IGSF10: variants seen among roughly 807,000 people sequenced by gnomAD.
The protein encoded by IGSF10 is calvaria mechanical force protein 608.
A neutral mutation model predicts 128.2 loss-of-function variants in IGSF10; 126 were observed. The observed-to-expected ratio is 0.98, with a 90% CI of 0.85 to 1.14. The LOEUF is 1.14. IGSF10 is among the 50% of genes most tolerant of loss of function. The pLI is 0.00. For synonymous variants in IGSF10, 1,185 were observed against 1,146.2 expected, an observed-to-expected ratio of 1.03 and a Z score of -0.68; for missense variants, 3,295 against 3,149.8, an observed-to-expected ratio of 1.05 and a Z score of -1.10.
chr3:151,435,010 T>G, downstream of IGSF10: 1 of 151,990 alleles, frequency 6.6e-6, no homozygotes, highest in African/African-American at 2.4e-5. Flanking sequence ...ATAACTAGAA[T>G]TACTTTAGTC....
chr3:151,539,243 T>G, the IGSF10 span, among the ~76,000 whole-genome samples: 1 of 152,312 alleles, frequency 6.6e-6, no homozygotes, highest in South Asian at 2.1e-4. Flanking sequence ...AACGCTCTGC[T>G]TCCCACGTGG....
At chr3:151,510,025 C>T in the IGSF10 span, among the ~76,000 whole-genome samples, 2 of 152,216 alleles carry the variant, frequency 1.3e-5, no homozygotes, top group African/African-American at 2.4e-5. Flanking sequence ...GGCCTGCCTG[C>T]CTCTGTAGGC....
chr3:151,460,656 G>A (rs1193857135), intron 1 of IGSF10, among the ~76,000 whole-genome samples: 1 of 151,798 alleles, frequency 6.6e-6, no homozygotes, highest in East Asian at 1.9e-4. Flanking sequence ...AGTCCCAAGA[G>A]CTTCTCCTCA....
At chr3:151,532,472 A>G in the IGSF10 span, among the ~76,000 whole-genome samples, 7 of 152,216 alleles carry the variant, frequency 4.6e-5, no homozygotes, top group Non-Finnish European at 1.0e-4. Flanking sequence ...CAAAAAGCTT[A>G]TCCACCAAGA....
At chr3:151,443,959 G>T in intron 6 of IGSF10, 75 bp from the exon 7 acceptor site, 9 of 1,184,148 alleles carry the variant, frequency 7.6e-6, no homozygotes, top group South Asian at 1.6e-5. Context: ...ATCGTTTTTT[G>T]GGCTACTAAG....
the IGSF10 span, among the ~76,000 whole-genome samples, chr3:151,491,763 A>G: frequency 5.3e-5 from 8 of 152,138 alleles, no homozygotes. Flanking sequence ...GCTTCCAAAA[A>G]TAGAGCCAGA....
the IGSF10 span, among the ~76,000 whole-genome samples, chr3:151,575,367 C>T: frequency 3.9e-5 from 6 of 152,296 alleles, no homozygotes; most frequent in East Asian, 1.9e-4. Flanking sequence ...CATTGAGCTG[C>T]GGTGGGCTCC....
chr3:151,478,618 C>G, the IGSF10 span, among the ~76,000 whole-genome samples: 1 of 152,224 alleles, frequency 6.6e-6, no homozygotes, highest in South Asian at 2.1e-4. Flanking sequence ...AAGTAAATGC[C>G]CTTTTCTTTT....
At chr3:151,496,929 GTGA>G in the IGSF10 span, among the ~76,000 whole-genome samples, 1 of 152,148 alleles carries the variant, frequency 6.6e-6, no homozygotes, top group African/African-American at 2.4e-5. Context: ...CTGATGGCCA[GTGA>G]TGATGAGCAT....
the IGSF10 span, among the ~76,000 whole-genome samples, chr3:151,546,104 C>T: frequency 2.0e-5 from 3 of 150,636 alleles, no homozygotes; most frequent in Admixed American, 6.6e-5. Flanking sequence ...TATTGCTGAA[C>T]CCAGCTTTAG....
chr3:151,440,717 C>T, intron 7 of IGSF10: 1 of 356,692 alleles, frequency 2.8e-6, no homozygotes, highest in Non-Finnish European at 5.9e-6. Flanking sequence ...ATAATGATGT[C>T]TGAGTCTCAC....
the IGSF10 span, among the ~76,000 whole-genome samples, chr3:151,592,369 G>T: frequency 6.6e-6 from 1 of 152,056 alleles, no homozygotes; most frequent in East Asian, 1.9e-4. Flanking sequence ...GACCCTTATT[G>T]TTTCATGGAA....
At chr3:151,536,429 A>G in the IGSF10 span, among the ~76,000 whole-genome samples, 1 of 152,182 alleles carries the variant, frequency 6.6e-6, no homozygotes, top group African/African-American at 2.4e-5. Context: ...TTTGGGACCT[A>G]CTTAAGTGAA....
In IGSF10 at chr3:151,461,048, G is replaced by A. The variant is rs79669574; in HGVS notation, c.-191C>T. On this transcript the variant is annotated 5_prime_UTR_variant, in exon 1 of 8. Transcript: ENST00000282466. ...TCGTGCGGAGCTGGTCCGGAGCTCT[G>A]GGAGGGAAGGAAGGAAGGCGGAGCG... The A allele has an allele frequency of 0.18, 175,497 of 985,242 alleles. 16,054 individuals are homozygous for A. The highest frequency in any genetic ancestry group is 0.19 in the Non-Finnish European group (154,567 of 829,856). The allele number at this position is 985,242 out of a possible 1,614,324, so 61.0% of individuals were successfully genotyped here.
At chr3:151,460,005 C>T (rs1369307974) in intron 2 of IGSF10, among the ~76,000 whole-genome samples, 2 of 152,142 alleles carry the variant, frequency 1.3e-5, no homozygotes, top group South Asian at 2.1e-4. Context: ...CTTTTGCCAT[C>T]GTAACCACCT....
Position 151,436,777 on chromosome 3 carries a change from G to C in IGSF10, c.7784C>G (p.Pro2595Arg). 1 of 1,614,090 alleles carries C rather than the reference G, an allele frequency of 6.2e-7. No individual in the cohort carries two copies. Among genetic ancestry groups the C allele is most frequent in the Non-Finnish European group, 8.5e-7 (1 of 1,179,976 alleles). The stretch of plus-strand genomic sequence containing the variant: ...GTATATCCCAGAATCGGAGGTTTGG[G>C]GATTCTGAATGACTAGGGTACCTTG... ...HLQGTLVIQN[P>R]QTSDSGIYKC... Residue 2595 changes from proline (P) to arginine (R), a missense_variant, in exon 8 of 8, where the codon CCC becomes CGC. Coordinates refer to ENST00000282466, the MANE Select transcript of IGSF10 (RefSeq NM_178822.5).
At chr3:151,455,400 A>G (rs1259149750) in intron 4 of IGSF10, among the ~76,000 whole-genome samples, 2 of 152,092 alleles carry the variant, frequency 1.3e-5, no homozygotes, top group Non-Finnish European at 2.9e-5. Flanking sequence ...GGTGTGAGCC[A>G]CTGCGCCCGG....
At chr3:151,580,430 T>C in the IGSF10 span, among the ~76,000 whole-genome samples, 6 of 152,190 alleles carry the variant, frequency 3.9e-5, no homozygotes, top group Non-Finnish European at 7.4e-5. Context: ...AAATATAAGA[T>C]ACATCTTTTC....
the IGSF10 span, among the ~76,000 whole-genome samples, chr3:151,470,899 A>C: frequency 1.5e-4 from 23 of 152,280 alleles, no homozygotes; most frequent in African/African-American, 5.5e-4. Context: ...CTTATGAATT[A>C]CTTCTCCTAT....
Sources: allele counts gnomAD v4.1 joint callset (sites outside exome capture counted in the v4.1 genomes callset), GRCh38; gene constraint gnomAD v4.1.1; transcripts MANE v1.5; gene names NCBI Gene and HGNC (gene_info 2026-07-23, HGNC 2026-07-21).